Variants in CSMD1 observed in about 807,000 individuals in gnomAD.
The protein encoded by CSMD1 is CUB and sushi domain-containing protein 1.
In CSMD1, 213 loss-of-function variants were observed where a neutral mutation model predicts 417.5. The ratio of observed to expected loss-of-function variants is 0.51; its 90% CI spans 0.46 to 0.57. CSMD1 has a LOEUF of 0.57. Ranked by LOEUF, CSMD1 falls within the 20% of genes least tolerant of loss-of-function variation. CSMD1 has a pLI of 0.00. For missense variants in CSMD1, 6,923 were observed against 4,529.7 expected (o/e 1.53, Z -15.17); for synonymous variants, 2,862 against 1,736.8 (o/e 1.65, Z -16.11).
At chr8:4,785,254 G>C (rs759767138) in intron 1 of CSMD1, among the ~76,000 whole-genome samples, 1 of 152,170 alleles carries the variant, frequency 6.6e-6, no homozygotes, top group Non-Finnish European at 1.5e-5. Flanking sequence ...TCATGAGGAG[G>C]TGAACATTGG....
Position 4,119,486 on chromosome 8 carries a change from C to T in CSMD1, c.416-87387G>A, listed in dbSNP as rs527504897. On this transcript the variant is annotated intron_variant, in intron 3 of 69. Transcript: ENST00000635120. ...AGCCCGAAAACCCATTGGTTAAACTCGTAATCCTCAATGTCCTGGTATTTG... is the reference window on the plus strand; with the variant it reads ...AGCCCGAAAACCCATTGGTTAAACTTGTAATCCTCAATGTCCTGGTATTTG... 1.1e-4 allele frequency among the ~76,000 whole-genome samples: 16 copies of T among 152,286 alleles called. No individual in the cohort carries two copies. In the South Asian group the frequency reaches 2.7e-3, roughly 26 times the overall value.
intron 3 of CSMD1, among the ~76,000 whole-genome samples, chr8:4,064,561 A>G (rs1799145573): frequency 6.6e-6 from 1 of 152,212 alleles, no homozygotes; most frequent in South Asian, 2.1e-4. Context: ...GTCAACACAC[A>G]GCTCCTACTT....
intron 5 of CSMD1, among the ~76,000 whole-genome samples, chr8:3,863,117 G>C (rs542526884): frequency 6.6e-6 from 1 of 152,262 alleles, no homozygotes; most frequent in South Asian, 2.1e-4. Context: ...AGGTGCGAAG[G>C]TCGGGCGCGG....
intron 3 of CSMD1, among the ~76,000 whole-genome samples, chr8:4,296,696 GTTTTT>G (rs371696159): frequency 1.7e-5 from 2 of 114,870 alleles, no homozygotes; most frequent in Non-Finnish European, 3.3e-5. Flanking sequence ...GAAAATAAGG[GTTTTT>G]TTTTTTTTTT....
intron 26 of CSMD1, among the ~76,000 whole-genome samples, chr8:3,254,661 A>G (rs1255171095): frequency 2.0e-5 from 3 of 152,088 alleles, no homozygotes; most frequent in South Asian, 4.1e-4. Context: ...AGTTGACCGA[A>G]TTGGCTATTG....
At chr8:3,929,806 C>T (rs1810016299) in intron 5 of CSMD1, among the ~76,000 whole-genome samples, 1 of 149,408 alleles carries the variant, frequency 6.7e-6, no homozygotes, top group Admixed American at 6.7e-5. Flanking sequence ...GGACTACAGG[C>T]ACATGCCACC....
At chr8:3,759,397 T>C (rs1797862841) in intron 5 of CSMD1, among the ~76,000 whole-genome samples, 1 of 152,184 alleles carries the variant, frequency 6.6e-6, no homozygotes, top group African/African-American at 2.4e-5. Flanking sequence ...TTAAACCCTT[T>C]ATAAAACAAC....
At chr8:3,284,661 T>C in intron 25 of CSMD1, 2 of 298,908 alleles carry the variant, frequency 6.7e-6, no homozygotes, top group Non-Finnish European at 1.3e-5. Flanking sequence ...ATTTAAGCTT[T>C]CTACGGCACA....
chr8:4,298,696 A>T (rs117374446), intron 3 of CSMD1, among the ~76,000 whole-genome samples: 7 of 152,118 alleles, frequency 4.6e-5, no homozygotes, highest in Non-Finnish European at 1.5e-5. Flanking sequence ...TCTTCAGGCT[A>T]CTCTGATACT....
intron 3 of CSMD1, among the ~76,000 whole-genome samples, chr8:4,045,748 C>A (rs777423327): frequency 4.6e-5 from 7 of 152,180 alleles, no homozygotes; most frequent in African/African-American, 1.2e-4. Flanking sequence ...CACCAGTGAA[C>A]TGTGAAACAC....
intron 3 of CSMD1, among the ~76,000 whole-genome samples, chr8:4,099,209 C>A (rs1222286695): frequency 1.0e-5 from 1 of 95,590 alleles, no homozygotes; most frequent in Admixed American, 8.7e-5. Flanking sequence ...CACACACGCA[C>A]ACACACACAC....
intron 68 of CSMD1, among the ~76,000 whole-genome samples, chr8:2,948,570 G>A (rs1802409644): frequency 6.6e-6 from 1 of 151,984 alleles, no homozygotes; most frequent in South Asian, 2.1e-4. Flanking sequence ...AATAATAATT[G>A]TTTCATAGGT....
intron 1 of CSMD1, among the ~76,000 whole-genome samples, chr8:4,877,896 T>A (rs911831112): frequency 6.6e-6 from 1 of 152,010 alleles, no homozygotes; most frequent in Non-Finnish European, 1.5e-5. Flanking sequence ...GGAACATCAT[T>A]GAGAAGGAAA....
At chr8:3,695,200 C>T (rs1341757970) in intron 7 of CSMD1, among the ~76,000 whole-genome samples, 14 of 151,502 alleles carry the variant, frequency 9.2e-5, no homozygotes, top group Non-Finnish European at 1.5e-5. Context: ...TGTCTGAAAA[C>T]CAGGTTTATC....
intron 3 of CSMD1, among the ~76,000 whole-genome samples, chr8:4,294,490 T>G (rs1248888183): frequency 6.6e-6 from 1 of 152,158 alleles, no homozygotes; most frequent in Non-Finnish European, 1.5e-5. Context: ...TTGTTTCATT[T>G]AACCTCAGGA....
At chr8:4,211,357 C>A (rs776516710) in intron 3 of CSMD1, among the ~76,000 whole-genome samples, 1 of 152,062 alleles carries the variant, frequency 6.6e-6, no homozygotes, top group African/African-American at 2.4e-5. Flanking sequence ...CTTTTATTCC[C>A]TGTTTTTCTT....
At chr8:4,143,012 A>T (rs1405562363) in intron 3 of CSMD1, among the ~76,000 whole-genome samples, 2 of 149,116 alleles carry the variant, frequency 1.3e-5, no homozygotes, top group African/African-American at 5.0e-5. Context: ...AATGCTCTCC[A>T]TTTAGGAACT....
chr8:3,625,043 C>A (rs1315718875), intron 7 of CSMD1, among the ~76,000 whole-genome samples: 1 of 151,518 alleles, frequency 6.6e-6, no homozygotes, highest in Non-Finnish European at 1.5e-5. Flanking sequence ...TTTACAGCAT[C>A]CTACGAGACA....
intron 25 of CSMD1, among the ~76,000 whole-genome samples, chr8:3,288,756 G>C (rs1021019192): frequency 5.5e-5 from 8 of 146,230 alleles, no homozygotes; most frequent in Admixed American, 5.4e-4. Flanking sequence ...ACCAGCTCCT[G>C]GATTCATTGA....
Sources: gnomAD v4.1 joint callset for allele counts (sites outside exome capture counted in the v4.1 genomes callset) on GRCh38, gnomAD v4.1.1 for gene constraint, MANE v1.5 for transcripts, NCBI Gene and HGNC (gene_info 2026-07-23, HGNC 2026-07-21) for gene names.